NCAN: variants seen among roughly 807,000 people sequenced by gnomAD.
NCAN encodes the protein neurocan, also known as neurocan core protein.
Under a neutral mutation model 121.8 loss-of-function variants are expected in NCAN, and 47 were observed. The ratio of observed to expected loss-of-function variants is 0.39; its 90% CI spans 0.31 to 0.49. The LOEUF (loss-of-function observed/expected upper bound fraction) is 0.49, where lower values mean the gene tolerates loss of function less well. NCAN is among the 20% of genes least tolerant of loss of function. NCAN has a pLI of 0.92. For missense variants in NCAN, 1,517 were observed against 1,773.4 expected, an observed-to-expected ratio of 0.86 and a Z score of 2.60; for synonymous variants, 633 against 702.0, an observed-to-expected ratio of 0.90 and a Z score of 1.55.
At chr19:19,221,310 C>T (rs1384509533) in intron 3 of NCAN, among the ~76,000 whole-genome samples, 3 of 151,466 alleles carry the variant, frequency 2.0e-5, no homozygotes, top group Admixed American at 1.3e-4. Flanking sequence ...GAGGTCGAGA[C>T]GGGTGGATCA....
At chr19:19,217,182 G>A (rs1490499629) in intron 2 of NCAN, among the ~76,000 whole-genome samples, 156 bp downstream of exon 2, 4 of 152,220 alleles carry the variant, frequency 2.6e-5, no homozygotes, top group East Asian at 1.9e-4. Context: ...AGTCAAAAGC[G>A]AACAGGATAC....
rs1194171245 is a variant in NCAN, at chr19:19,251,984, C to T, written c.*2073C>T. 2.6e-5 allele frequency: 4 copies of T among 152,622 alleles called. No homozygotes were observed. Among genetic ancestry groups the T allele is most frequent in the Admixed American group, 6.5e-5 (1 of 15,274 alleles). The allele number at this position is 152,622 out of a possible 1,614,324, so 9.5% of individuals were successfully genotyped here. A position where few individuals can be genotyped will look rare whatever the true frequency, so the allele number is the denominator to read the frequency against. Reference sequence around the variant, plus strand: ...GCCGTTTGCCCTGCCCCCACCTCGGCTCCATGGTGGGAGGGGGCTCTGGTC... The same window carrying T: ...GCCGTTTGCCCTGCCCCCACCTCGGTTCCATGGTGGGAGGGGGCTCTGGTC... On this transcript the variant is annotated 3_prime_UTR_variant, in exon 15 of 15. Transcript: ENST00000252575.
In NCAN at chr19:19,219,042, A is replaced by C; in HGVS notation, c.201A>C (p.Pro67=). ...GTCTCTTTACCCTGCAGCCACGGCCAAGCGCAGCCCGAGATGCCCCTCGGA... is the reference window on the plus strand; with the variant it reads ...GTCTCTTTACCCTGCAGCCACGGCCCAGCGCAGCCCGAGATGCCCCTCGGA... ...LPCLFTLQPR[P]SAARDAPRIK... is the part of the protein sequence containing the mutation. The change falls in exon 3 of 15, where the codon CCA becomes CCC. Residue 67 remains proline, a synonymous_variant. Coordinates refer to ENST00000252575, the MANE Select transcript of NCAN (RefSeq NM_004386.3). The C allele has an allele frequency of 6.2e-7, 1 of 1,611,990 alleles. No individual in the cohort carries two copies. Among genetic ancestry groups the C allele is most frequent in the East Asian group, 2.2e-5 (1 of 44,832 alleles).
rs2060777736 is a variant in NCAN, at chr19:19,212,179, G to C, written c.-8+115G>C. 6.4e-6 allele frequency: 1 copy of C among 155,292 alleles called. No individual in the cohort carries two copies. The highest frequency in any genetic ancestry group is 6.5e-5 in the Admixed American group (1 of 15,292). 9.6% of individuals were successfully genotyped at this position (155,292 alleles called of 1,614,324 possible). A position where few individuals can be genotyped will look rare whatever the true frequency, so the allele number is the denominator to read the frequency against. ...GAGAAGTCCCCAGAATGGGGAGGGG[G>C]CTGAAGCGGGGGAGGGGAGCCCTAG... On this transcript the variant is annotated intron_variant, in intron 1 of 14. Transcript: ENST00000252575. The surrounding 1 kb of genome is among the most constrained non-coding windows in gnomAD (Gnocchi z 4.5).
At chr19:19,248,321 T>C (rs1249536575) in intron 13 of NCAN, among the ~76,000 whole-genome samples, 1 of 152,048 alleles carries the variant, frequency 6.6e-6, no homozygotes, top group African/African-American at 2.4e-5. Flanking sequence ...GGTGCATGTC[T>C]GTAATCCCAG....
At position 19,228,206 on chromosome 19, in the gene NCAN, G is replaced by A. The variant is rs760016111; in HGVS notation, c.2586G>A (p.Gln862=). 6 of 1,613,954 alleles carry A rather than the reference G, an allele frequency of 3.7e-6. No homozygotes were observed. The South Asian group carries it at 6.6e-5, about 18-fold the overall frequency. ...CCGAAAGCACCACCTTGAGCCCTCA[G>A]GTGGCCCTGGATACAAGCATTGTGA... ...EEAESTTLSP[Q]VALDTSIVTP... Residue 862 remains glutamine (Q), a synonymous_variant, in exon 8 of 15, where the codon CAG becomes CAA. Transcript: ENST00000252575.
In NCAN at chr19:19,240,702, G is replaced by A; in HGVS notation, c.3492+17G>A. 1 of 1,612,436 alleles carries A rather than the reference G, an allele frequency of 6.2e-7. No homozygotes were observed. The highest frequency in any genetic ancestry group is 1.3e-5 in the African/African-American group (1 of 75,040). On this transcript the variant is annotated intron_variant, in intron 12 of 14. Coordinates refer to ENST00000252575, the MANE Select transcript of NCAN (RefSeq NM_004386.3). ...ACCGGGCTGGTGAGTGGCAGGGGCT[G>A]CGGGCCTAGGCTGCTGAGCCACATC...
Position 19,228,296 on chromosome 19 carries a change from C to T in NCAN, c.2676C>T (p.Ser892=). 3 of 1,613,970 alleles carry T rather than the reference C, an allele frequency of 1.9e-6. No individual in the cohort carries two copies. The highest frequency in any genetic ancestry group is 1.3e-5 in the African/African-American group (1 of 75,016). The change falls in exon 8 of 15, where the codon TCC becomes TCT. Residue 892 remains serine (S), a synonymous_variant. Coordinates refer to ENST00000252575, the MANE Select transcript of NCAN (RefSeq NM_004386.3). ...VGVPAMSTLG[S]SSSQPHPEPE... is the part of the protein sequence containing the mutation. ...TTCCAGCCATGTCTACACTGGGCTCCTCAAGCTCCCAACCCCACCCAGAGC... is the reference window on the plus strand; with the variant it reads ...TTCCAGCCATGTCTACACTGGGCTCTTCAAGCTCCCAACCCCACCCAGAGC...
Position 19,250,168 on chromosome 19 carries a change from AG to A in NCAN, c.*260del, listed in dbSNP as rs2060941761. The A allele has an allele frequency of 3.1e-6, 2 of 642,946 alleles. No homozygotes were observed. The highest frequency in any genetic ancestry group is 5.8e-6 in the Non-Finnish European group (2 of 346,852). The allele number at this position is 642,946 out of a possible 1,614,324, so 39.8% of individuals were successfully genotyped here. On this transcript the variant is annotated 3_prime_UTR_variant, in exon 15 of 15. Coordinates refer to ENST00000252575, the MANE Select transcript of NCAN (RefSeq NM_004386.3). ...GAACTCTGGGAGTGTGTCCCAGCTG[AG>A]GGAAGCACAAGTAGCAAAGCTCATT...
rs375606629 is a variant in NCAN, at chr19:19,227,797, C to T, written c.2177C>T (p.Pro726Leu). ...VNKAEHSSSS[P>L]WPSVNRNVAV... is the part of the protein sequence containing the mutation. Reference sequence around the variant, plus strand: ...AAAGCTGAGCACTCCAGCTCCAGCCCATGGCCTTCTGTAAACAGGAATGTG... The same window carrying T: ...AAAGCTGAGCACTCCAGCTCCAGCCTATGGCCTTCTGTAAACAGGAATGTG... The change falls in exon 8 of 15, where the codon CCA (proline) becomes CTA (leucine). Residue 726 changes from proline to leucine, a missense_variant. Coordinates refer to ENST00000252575, the MANE Select transcript of NCAN (RefSeq NM_004386.3). This position sits in a 1 kb window ranked among gnomAD's most constrained non-coding sequence, Gnocchi z 4.2. 1.7e-5 allele frequency: 27 copies of T among 1,613,564 alleles called. No individual in the cohort carries two copies. The highest frequency in any genetic ancestry group is 2.1e-5 in the Non-Finnish European group (25 of 1,180,020).
chr19:19,241,258 CAAAAA>C (rs55876064), intron 12 of NCAN, among the ~76,000 whole-genome samples: 1 of 132,486 alleles, frequency 7.5e-6, no homozygotes, highest in Non-Finnish European at 1.6e-5. Context: ...GATCCTGTCT[CAAAAA>C]AAAAAAAAAG....
chr19:19,240,302 C>T (rs2060898727), intron 11 of NCAN, among the ~76,000 whole-genome samples: 1 of 151,920 alleles, frequency 6.6e-6, no homozygotes, highest in Non-Finnish European at 1.5e-5. Flanking sequence ...TCCACCTCAA[C>T]CTCCAGCCCA....
intron 11 of NCAN, among the ~76,000 whole-genome samples, chr19:19,239,333 G>T (rs2060893526): frequency 1.3e-5 from 2 of 151,564 alleles, no homozygotes; most frequent in Non-Finnish European, 2.9e-5. Flanking sequence ...TGGGAGAGGG[G>T]TTCATGCCTG....
At chr19:19,245,519 C>T (rs2060921218) in intron 13 of NCAN, 62 bp downstream of exon 13, 1 of 1,572,748 alleles carries the variant, frequency 6.4e-7, no homozygotes, top group African/African-American at 1.3e-5. Flanking sequence ...TCTCTGTTGC[C>T]CAGGCTGGAG....
At position 19,227,276 on chromosome 19, in the gene NCAN, T is replaced by C; in HGVS notation, c.1661-5T>C. Reference sequence around the variant, plus strand: ...ATTGTAATGATTGCCTTGATGTTGTTGCAGGTTCTGCTGGTGGCAAGAGCT... The same window carrying C: ...ATTGTAATGATTGCCTTGATGTTGTCGCAGGTTCTGCTGGTGGCAAGAGCT... On this transcript the variant is annotated splice_polypyrimidine_tract_variant and splice_region_variant and intron_variant, in intron 7 of 14. Transcript: ENST00000252575. The surrounding 1 kb of genome is among the most constrained non-coding windows in gnomAD (Gnocchi z 4.2). The C allele has an allele frequency of 2.6e-6, 4 of 1,540,606 alleles. No homozygotes were observed. The highest frequency in any genetic ancestry group is 3.5e-6 in the Non-Finnish European group (4 of 1,144,954).
intron 12 of NCAN, among the ~76,000 whole-genome samples, chr19:19,243,405 A>T (rs1200895521): frequency 1.3e-5 from 2 of 151,216 alleles, no homozygotes; most frequent in Admixed American, 1.3e-4. Context: ...AATCCCAGCT[A>T]CTCAGGAGGT....
chr19:19,219,672 C>CAAAA (rs56231208), intron 3 of NCAN, among the ~76,000 whole-genome samples: 546 of 49,254 alleles, frequency 0.011, 63 homozygotes, highest in East Asian at 0.026. Flanking sequence ...GACCCTGTCA[C>CAAAA]AAAAAAAAAA....
chr19:19,245,613 G>A (rs1298061359), intron 13 of NCAN, among the ~76,000 whole-genome samples, 156 bp downstream of exon 13: 1 of 152,098 alleles, frequency 6.6e-6, no homozygotes, highest in Admixed American at 6.6e-5. Context: ...GAGTAGGTGG[G>A]ACTATAGGCA....
At chr19:19,218,074 T>G (rs1224264787) in intron 2 of NCAN, among the ~76,000 whole-genome samples, 1 of 151,144 alleles carries the variant, frequency 6.6e-6, no homozygotes, top group Non-Finnish European at 1.5e-5. Context: ...AGGTCAGGAA[T>G]TGGAGACCAG....
Sources: allele counts gnomAD v4.1 joint callset (sites outside exome capture counted in the v4.1 genomes callset), GRCh38; gene constraint gnomAD v4.1.1; non-coding constraint Gnocchi (gnomAD v3.1); transcripts MANE v1.5; gene names NCBI Gene and HGNC (gene_info 2026-07-23, HGNC 2026-07-21).